Variants in AMD1 observed in about 807,000 individuals in gnomAD.
AMD1 encodes the protein S-adenosylmethionine decarboxylase proenzyme.
In AMD1, 11 loss-of-function variants were observed where a neutral mutation model predicts 40.2. That is an observed-to-expected ratio of 0.27 (90% CI 0.17 to 0.45). AMD1 has a LOEUF of 0.45. Among genes scored for constraint, AMD1 ranks in the 20% least tolerant of loss-of-function variants. The pLI, the probability that AMD1 is intolerant of heterozygous loss-of-function variation, is 1.00. For missense variants in AMD1, 257 were observed against 410.2 expected (o/e 0.63, Z 3.23); for synonymous variants, 121 against 130.8 (o/e 0.93, Z 0.51).
intron 1 of AMD1, among the ~76,000 whole-genome samples, chr6:110,886,393 G>T (rs1484628706): frequency 6.6e-6 from 1 of 152,012 alleles, no homozygotes; most frequent in African/African-American, 2.4e-5. Context: ...AAAGTGCTAG[G>T]ATTACAGGCG....
chr6:110,860,646 A>T, the AMD1 span, among the ~76,000 whole-genome samples: 1 of 151,812 alleles, frequency 6.6e-6, no homozygotes, highest in Admixed American at 6.6e-5. Context: ...TAAAAATACA[A>T]AAATGAGCCA....
chr6:110,874,761 G>A (rs546683314), upstream of AMD1: 8 of 182,966 alleles, frequency 4.4e-5, no homozygotes, highest in East Asian at 5.8e-4. Flanking sequence ...GGATATATAA[G>A]GGCGGTGCTC....
In AMD1 at chr6:110,892,729, C is replaced by CCA. The variant is rs1554238017; in HGVS notation, c.616-5_616-4insAC. 2.5e-6 allele frequency: 4 copies of CCA among 1,611,628 alleles called. No homozygotes were observed. Among genetic ancestry groups the CCA allele is most frequent in the Non-Finnish European group, 3.4e-6 (4 of 1,179,026 alleles). ...CTTGTTAAACTCGGTCTTTTTCCCC[C>CCA]CCCAGGAGAGTGGAATTCGTGACCT... On this transcript the variant is annotated splice_region_variant and splice_polypyrimidine_tract_variant and intron_variant, in intron 6 of 8. Transcript: ENST00000368885.
chr6:110,843,082 G>A, the AMD1 span, among the ~76,000 whole-genome samples: 42 of 152,008 alleles, frequency 2.8e-4, no homozygotes, highest in Middle Eastern at 3.4e-3. Context: ...GCAGTGAGCC[G>A]AGATCGGGCC....
upstream of AMD1, among the ~76,000 whole-genome samples, chr6:110,874,078 C>T (rs1017046808): frequency 5.3e-5 from 8 of 152,232 alleles, no homozygotes; most frequent in African/African-American, 1.7e-4. Flanking sequence ...GCGAGCCACA[C>T]GGTGGGAGGT....
At chr6:110,857,618 T>TAC in the AMD1 span, among the ~76,000 whole-genome samples, 1 of 146,192 alleles carries the variant, frequency 6.8e-6, no homozygotes, top group Non-Finnish European at 1.5e-5. Flanking sequence ...GGTATATATA[T>TAC]AGGTGGTATA....
chr6:110,888,097 C>G (rs577319260), intron 2 of AMD1, among the ~76,000 whole-genome samples: 4 of 152,028 alleles, frequency 2.6e-5, no homozygotes, highest in Non-Finnish European at 5.9e-5. Flanking sequence ...AGGTGTTTGC[C>G]GTCTTTTCCT....
intron 8 of AMD1, 138 bp from the exon 9 acceptor site, chr6:110,893,338 C>G: frequency 4.0e-6 from 5 of 1,236,790 alleles, no homozygotes; most frequent in Non-Finnish European, 5.6e-6. Context: ...GCCCTGGCCC[C>G]TCCAGCACAT....
Position 110,890,280 on chromosome 6 carries a change from C to T in AMD1, c.351C>T (p.Phe117=). ...IQSFFYSRKN[F]MKPSHQGYPH... ...GCTTCTTTTATTCTCGTAAGAATTT[C>T]ATGAAGCCTTCTCACCAAGGGTACC... The change falls in exon 4 of 9, where the codon TTC becomes TTT. Residue 117 remains phenylalanine (F), a synonymous_variant. Transcript: ENST00000368885. The T allele has an allele frequency of 1.3e-6, 2 of 1,575,268 alleles. No homozygotes were observed. The highest frequency in any genetic ancestry group is 2.3e-5 in the East Asian group (1 of 43,708).
intron 3 of AMD1, chr6:110,890,000 G>A: frequency 2.7e-6 from 1 of 367,692 alleles, no homozygotes; most frequent in Non-Finnish European, 4.9e-6. Flanking sequence ...ACTAGACTGG[G>A]CTTTTTAAAA....
At chr6:110,862,316 T>C in the AMD1 span, among the ~76,000 whole-genome samples, 2 of 151,250 alleles carry the variant, frequency 1.3e-5, no homozygotes, top group Non-Finnish European at 2.9e-5. Context: ...ATTCTGGTTT[T>C]GTGTGATTGT....
the AMD1 span, among the ~76,000 whole-genome samples, chr6:110,833,489 G>A: frequency 1.9e-4 from 29 of 152,276 alleles, no homozygotes; most frequent in East Asian, 5.6e-3. Flanking sequence ...CAGTAAGTCT[G>A]GAGAAAGAAT....
chr6:110,887,396 A>G (rs1345714126), intron 1 of AMD1, 109 bp from the exon 2 acceptor site: 5 of 666,104 alleles, frequency 7.5e-6, no homozygotes, highest in Non-Finnish European at 1.3e-5. Flanking sequence ...GTTGGTGTAC[A>G]ATATTAATTA....
At chr6:110,830,829 A>G in the AMD1 span, among the ~76,000 whole-genome samples, 2 of 152,168 alleles carry the variant, frequency 1.3e-5, no homozygotes, top group Admixed American at 1.3e-4. Flanking sequence ...AGTTCATTGC[A>G]GCCTTGACCT....
rs775380010 is a variant in AMD1 at position 110,892,450 on chromosome 6, A to G, written c.615+7A>G. ...TGCAAAGGATGTCACTCGTGTAAGC[A>G]TTTTTAGTAATAATTGTTGCTGGAC... On this transcript the variant is annotated splice_region_variant and intron_variant, in intron 6 of 8. Transcript: ENST00000368885. 2 of 1,611,286 alleles carry G rather than the reference A, an allele frequency of 1.2e-6. No individual in the cohort carries two copies. The highest frequency in any genetic ancestry group is 1.1e-5 in the South Asian group (1 of 90,692).
the AMD1 span, among the ~76,000 whole-genome samples, chr6:110,829,686 A>C: frequency 6.6e-6 from 1 of 150,996 alleles, no homozygotes; most frequent in Non-Finnish European, 1.5e-5. Flanking sequence ...AATAATAATA[A>C]TAATTAAAAA....
intron 1 of AMD1, among the ~76,000 whole-genome samples, 180 bp from the exon 2 acceptor site, chr6:110,887,325 C>T (rs1048233780): frequency 6.6e-6 from 1 of 151,936 alleles, no homozygotes; most frequent in Non-Finnish European, 1.5e-5. Context: ...TCATATATAG[C>T]ATAATATACC....
chr6:110,853,211 G>A, the AMD1 span, among the ~76,000 whole-genome samples: 3 of 151,212 alleles, frequency 2.0e-5, no homozygotes, highest in Non-Finnish European at 2.9e-5. Context: ...CAACCTCCAC[G>A]TCTAGGGTTC....
At chr6:110,815,239 T>TCG in the AMD1 span, 20 of 1,148,730 alleles carry the variant, frequency 1.7e-5, no homozygotes, top group African/African-American at 3.0e-4. Context: ...AACAGCCGCC[T>TCG]CTCGCGCGCG....
Sources: allele counts gnomAD v4.1 joint callset (sites outside exome capture counted in the v4.1 genomes callset), GRCh38; gene constraint gnomAD v4.1.1; transcripts MANE v1.5; gene names NCBI Gene and HGNC (gene_info 2026-07-23, HGNC 2026-07-21).